Variants in SIPA1L1 observed in about 807,000 individuals in gnomAD.
The protein encoded by SIPA1L1 is signal-induced proliferation-associated 1-like protein 1.
A neutral mutation model predicts 162.7 loss-of-function variants in SIPA1L1; 26 were observed. The observed-to-expected ratio is 0.16, with a 90% confidence interval of 0.12 to 0.22. SIPA1L1 has a LOEUF of 0.22. SIPA1L1 is among the 10% of genes least tolerant of loss of function. The pLI is 1.00. For missense variants in SIPA1L1, 1,874 were observed against 2,241.0 expected (o/e 0.84, Z 3.31); for synonymous variants, 829 against 837.4 (o/e 0.99, Z 0.17).
At chr14:71,465,114 G>T (rs1331058143) in intron 2 of SIPA1L1, among the ~76,000 whole-genome samples, 1 of 152,206 alleles carries the variant, frequency 6.6e-6, no homozygotes, top group African/African-American at 2.4e-5. Flanking sequence ...TGGCAAAAAA[G>T]CTTCCTCAGA....
chr14:71,461,400 T>C (rs765357154), intron 2 of SIPA1L1, among the ~76,000 whole-genome samples: 2 of 152,146 alleles, frequency 1.3e-5, no homozygotes, highest in Non-Finnish European at 2.9e-5. Context: ...CATGGGCCCA[T>C]TGGGTGATGA....
chr14:71,454,714 G>C (rs990828565), intron 2 of SIPA1L1, among the ~76,000 whole-genome samples: 1 of 152,090 alleles, frequency 6.6e-6, no homozygotes. Flanking sequence ...CAAATATGCT[G>C]ATTAAACAAA....
intron 17 of SIPA1L1, among the ~76,000 whole-genome samples, chr14:71,721,994 G>C (rs534923753): frequency 6.6e-6 from 1 of 152,204 alleles, no homozygotes; most frequent in African/African-American, 2.4e-5. Flanking sequence ...TGCTCTGTCC[G>C]TGGGTGCCAG....
At chr14:71,675,104 G>A (rs1013990943) in intron 12 of SIPA1L1, among the ~76,000 whole-genome samples, 4 of 152,228 alleles carry the variant, frequency 2.6e-5, no homozygotes, top group Non-Finnish European at 4.4e-5. Context: ...TACTCCCACT[G>A]TGGCTGGTTC....
At chr14:71,578,730 C>G (rs1483353906) in intron 4 of SIPA1L1, among the ~76,000 whole-genome samples, 2 of 152,362 alleles carry the variant, frequency 1.3e-5, no homozygotes, top group East Asian at 3.9e-4. Context: ...TCTGACGTGG[C>G]AGGCAACTGC....
intron 2 of SIPA1L1, among the ~76,000 whole-genome samples, chr14:71,482,374 G>C (rs1341456317): frequency 6.6e-6 from 1 of 152,174 alleles, no homozygotes; most frequent in Non-Finnish European, 1.5e-5. Flanking sequence ...AGGTGTAGAA[G>C]CTTCAAAATC....
At chr14:71,505,268 GA>G (rs968742592) in intron 2 of SIPA1L1, among the ~76,000 whole-genome samples, 2 of 152,052 alleles carry the variant, frequency 1.3e-5, no homozygotes, top group African/African-American at 4.8e-5. Context: ...CTCTGTGTAA[GA>G]TCTGTGTCTC....
At chr14:71,627,223 A>G (rs2099886525) in intron 7 of SIPA1L1, among the ~76,000 whole-genome samples, 1 of 125,728 alleles carries the variant, frequency 8.0e-6, no homozygotes, top group Admixed American at 1.0e-4. Context: ...CAGTGGCGCG[A>G]TCTCGGCTCA....
chr14:71,388,959 T>C (rs1378637483), intron 2 of SIPA1L1, among the ~76,000 whole-genome samples: 1 of 152,216 alleles, frequency 6.6e-6, no homozygotes, highest in Admixed American at 6.5e-5. Flanking sequence ...TGTTGTTGTT[T>C]GGTAGAGATA....
intron 5 of SIPA1L1, among the ~76,000 whole-genome samples, chr14:71,599,841 T>C (rs939174241): frequency 1.3e-5 from 2 of 152,346 alleles, no homozygotes; most frequent in African/African-American, 4.8e-5. Flanking sequence ...CTCATTGTGG[T>C]TTTGCTTTGC....
At chr14:71,325,688 C>G (rs1350834429) in intron 2 of SIPA1L1, among the ~76,000 whole-genome samples, 1 of 152,120 alleles carries the variant, frequency 6.6e-6, no homozygotes, top group Non-Finnish European at 1.5e-5. Context: ...TTAGCTGGCC[C>G]GTAGTAAGTA....
Position 71,739,482 on chromosome 14 carries a change from C to T in SIPA1L1, c.*321C>T, listed in dbSNP as rs943443606. 4 of 166,366 alleles carry T rather than the reference C, an allele frequency of 2.4e-5. No individual in the cohort carries two copies. Among genetic ancestry groups the T allele is most frequent in the Non-Finnish European group, 3.9e-5 (3 of 77,566 alleles). 10.3% of individuals were successfully genotyped at this position (166,366 alleles called of 1,614,324 possible). A position where few individuals can be genotyped will look rare whatever the true frequency, so the allele number is the denominator to read the frequency against. ...GAAGAAACTGGGCCTTGGACCAGGG[C>T]GCCCCCTGGCCCATCCGCCTCTATT... On this transcript the variant is annotated 3_prime_UTR_variant, in exon 24 of 24. Coordinates refer to ENST00000381232, the MANE Select transcript of SIPA1L1 (RefSeq NM_001386936.1).
At chr14:71,498,261 A>T (rs983783037) in intron 2 of SIPA1L1, among the ~76,000 whole-genome samples, 3 of 152,250 alleles carry the variant, frequency 2.0e-5, no homozygotes, top group South Asian at 2.1e-4. Context: ...TGTAATTTTC[A>T]TATGGGTTTG....
intron 2 of SIPA1L1, among the ~76,000 whole-genome samples, chr14:71,497,525 C>T (rs1023527482): frequency 3.3e-5 from 5 of 152,214 alleles, no homozygotes; most frequent in Non-Finnish European, 7.3e-5. Context: ...AACCACTGAT[C>T]TGCCATCCAT....
At chr14:71,499,631 G>A (rs1217518792) in intron 2 of SIPA1L1, among the ~76,000 whole-genome samples, 1 of 152,104 alleles carries the variant, frequency 6.6e-6, no homozygotes, top group East Asian at 1.9e-4. Context: ...ATGTGAAATA[G>A]GATAGCAATA....
At chr14:71,353,333 T>TA (rs1211837007) in intron 2 of SIPA1L1, among the ~76,000 whole-genome samples, 3 of 152,274 alleles carry the variant, frequency 2.0e-5, no homozygotes, top group South Asian at 2.1e-4. Context: ...TCACTAATCA[T>TA]ACAGGTGTCT....
At chr14:71,574,938 T>G (rs986915162) in intron 4 of SIPA1L1, 5 of 152,110 alleles carry the variant, frequency 3.3e-5, no homozygotes, top group Non-Finnish European at 4.4e-5. Flanking sequence ...ATGTGCATAG[T>G]TTTTAAAAAA....
At chr14:71,691,718 A>G (rs1377056885) in intron 13 of SIPA1L1, among the ~76,000 whole-genome samples, 1 of 151,976 alleles carries the variant, frequency 6.6e-6, no homozygotes, top group Non-Finnish European at 1.5e-5. Context: ...ATGCCTTTTT[A>G]GGAGCTCCTC....
In SIPA1L1 at chr14:71,589,247, G is replaced by A. The variant is rs2034958365; in HGVS notation, c.1375G>A (p.Gly459Arg). Residue 459 changes from glycine to arginine, a missense_variant, in exon 5 of 24, where the codon GGA becomes AGA. By Grantham distance (125) the Gly-to-Arg change is moderately radical. Around this residue, in one of 5 missense-constraint regions of SIPA1L1, gnomAD observed 685 missense variants for 828.0 expected, o/e 0.83. Coordinates refer to ENST00000381232, the MANE Select transcript of SIPA1L1 (RefSeq NM_001386936.1). ...STLSSHCTNA[G>R]VAVLEVPKEN... ...CCTTAGTTCCCATTGCACAAATGCA[G>A]GAGTGGCAGTACTTGAAGTGCCCAA... 6.2e-7 allele frequency: 1 copy of A among 1,614,092 alleles called. No individual in the cohort carries two copies. The highest frequency in any genetic ancestry group is 8.5e-7 in the Non-Finnish European group (1 of 1,179,958).
Sources: gnomAD v4.1 joint callset for allele counts (sites outside exome capture counted in the v4.1 genomes callset) on GRCh38, gnomAD v4.1.1 for gene constraint, gnomAD v4.1.1 regional missense constraint, MANE v1.5 for transcripts, NCBI Gene and HGNC (gene_info 2026-07-23, HGNC 2026-07-21) for gene names.